NRG3: variants seen among roughly 807,000 people sequenced by gnomAD.
NRG3 encodes pro-neuregulin-3, membrane-bound isoform.
A neutral mutation model predicts 66.9 loss-of-function variants in NRG3; 31 were observed. That is an observed-to-expected ratio of 0.46 (90% CI 0.35 to 0.63). The LOEUF (loss-of-function observed/expected upper bound fraction) is 0.63. Ranked by LOEUF, NRG3 falls within the 20% of genes least tolerant of loss-of-function variation. The pLI is 0.00. For missense variants in NRG3, 910 were observed against 878.9 expected (o/e 1.04, Z -0.45); for synonymous variants, 393 against 359.4 (o/e 1.09, Z -1.06).
At chr10:82,711,419 T>G (rs537216454) in intron 2 of NRG3, among the ~76,000 whole-genome samples, 1 of 152,188 alleles carries the variant, frequency 6.6e-6, no homozygotes, top group African/African-American at 2.4e-5. Flanking sequence ...GTTTCTGATT[T>G]GTGTGTTATT....
intron 2 of NRG3, among the ~76,000 whole-genome samples, chr10:82,487,447 C>T (rs118046833): frequency 0.021 from 3,181 of 152,094 alleles, 47 homozygotes; most frequent in Non-Finnish European, 0.031. Flanking sequence ...CTGTGAACCA[C>T]CTGAGGGACC....
At chr10:82,770,907 AAAAAT>A (rs1227741299) in intron 3 of NRG3, among the ~76,000 whole-genome samples, 1 of 152,152 alleles carries the variant, frequency 6.6e-6, no homozygotes, top group Non-Finnish European at 1.5e-5. Context: ...AATGAAGAGA[AAAAAT>A]AAACAGGCAG....
At chr10:82,663,303 T>C (rs2052511003) in intron 2 of NRG3, among the ~76,000 whole-genome samples, 2 of 152,320 alleles carry the variant, frequency 1.3e-5, no homozygotes, top group South Asian at 4.1e-4. Context: ...TCTGAATTCA[T>C]CTGCCATTGA....
At chr10:82,469,339 C>G (rs934680686) in intron 2 of NRG3, among the ~76,000 whole-genome samples, 1 of 152,158 alleles carries the variant, frequency 6.6e-6, no homozygotes, top group African/African-American at 2.4e-5. Context: ...ACACAAAGAG[C>G]TCCTGGTGCA....
intron 4 of NRG3, among the ~76,000 whole-genome samples, chr10:82,891,701 T>C (rs1043913432): frequency 6.6e-6 from 1 of 152,068 alleles, no homozygotes; most frequent in Non-Finnish European, 1.5e-5. Flanking sequence ...GGATTGTCTA[T>C]AAAATCATGT....
chr10:82,146,449 C>T (rs973919229), intron 1 of NRG3, among the ~76,000 whole-genome samples: 3 of 151,446 alleles, frequency 2.0e-5, no homozygotes, highest in African/African-American at 7.3e-5. Flanking sequence ...ATTCTCAGGG[C>T]TCAGTCATTC....
At chr10:82,092,130 A>G (rs972919674) in intron 1 of NRG3, among the ~76,000 whole-genome samples, 1 of 152,172 alleles carries the variant, frequency 6.6e-6, no homozygotes, top group African/African-American at 2.4e-5. Flanking sequence ...TTTACTATGA[A>G]GTTGAAGACT....
intron 2 of NRG3, among the ~76,000 whole-genome samples, chr10:82,385,676 A>T (rs548919173): frequency 6.6e-6 from 1 of 152,270 alleles, no homozygotes; most frequent in South Asian, 2.1e-4. Context: ...GATTTTTGCT[A>T]TAAAGAGGGG....
intron 2 of NRG3, among the ~76,000 whole-genome samples, chr10:82,390,733 A>G (rs2086304158): frequency 6.6e-6 from 1 of 152,208 alleles, no homozygotes; most frequent in African/African-American, 2.4e-5. Flanking sequence ...GAATTCATCT[A>G]CTTCTCTGCA....
chr10:82,711,535 TTGTGTGTGTGTGTG>T (rs10603040), intron 2 of NRG3, among the ~76,000 whole-genome samples: 1,638 of 148,390 alleles, frequency 0.011, 29 homozygotes, highest in African/African-American at 0.038. Context: ...ATCTGTGTGT[TTGTGTGTGTGTGTG>T]TGTGTGTGTG....
At chr10:82,929,206 A>T (rs938664070) in intron 4 of NRG3, among the ~76,000 whole-genome samples, 1 of 152,140 alleles carries the variant, frequency 6.6e-6, no homozygotes, top group Non-Finnish European at 1.5e-5. Context: ...ACCCTGTAAG[A>T]TGCTCACATG....
rs1247244495 is a variant in NRG3 at position 82,115,839 on chromosome 10, G to A, written c.823+239676G>A. Among the ~76,000 whole-genome samples the A allele has an allele frequency of 4.6e-5, 7 of 152,232 alleles. No homozygotes were observed. The East Asian group carries it at 1.2e-3, about 25-fold the overall frequency. ...ACTGCTCAGTAAATGCCTCTGGTGGGCAGATGGCACAGAAGTGCTTAGGGG... is the reference window on the plus strand; with the variant it reads ...ACTGCTCAGTAAATGCCTCTGGTGGACAGATGGCACAGAAGTGCTTAGGGG... On this transcript the variant is annotated intron_variant, in intron 1 of 8. Transcript: ENST00000372141.
intron 1 of NRG3, among the ~76,000 whole-genome samples, chr10:82,126,484 T>A (rs1364174646): frequency 6.6e-6 from 1 of 152,064 alleles, no homozygotes; most frequent in Non-Finnish European, 1.5e-5. Flanking sequence ...GATGTTTCGG[T>A]AGATCAGCCA....
intron 2 of NRG3, among the ~76,000 whole-genome samples, chr10:82,460,619 T>C (rs2091467855): frequency 6.6e-6 from 1 of 152,238 alleles, no homozygotes; most frequent in Non-Finnish European, 1.5e-5. Context: ...GCAGGCTTTC[T>C]GGCTTCTCTT....
chr10:82,199,192 GA>G (rs149470915), intron 1 of NRG3, among the ~76,000 whole-genome samples: 1,540 of 144,358 alleles, frequency 0.011, 24 homozygotes, highest in African/African-American at 0.037. Context: ...AAAAAGAAAA[GA>G]AAAAAAAATA....
intron 3 of NRG3, among the ~76,000 whole-genome samples, chr10:82,842,504 A>C (rs2063108294): frequency 6.6e-6 from 1 of 152,174 alleles, no homozygotes; most frequent in East Asian, 1.9e-4. Flanking sequence ...TCTGGTAAAT[A>C]TAGTCTTCCT....
At chr10:82,777,183 G>A (rs2059942546) in intron 3 of NRG3, among the ~76,000 whole-genome samples, 1 of 152,146 alleles carries the variant, frequency 6.6e-6, no homozygotes, top group Non-Finnish European at 1.5e-5. Context: ...CTTCAGCTGT[G>A]ATCAACATTA....
At chr10:82,018,913 C>G (rs1589802588) in intron 1 of NRG3, among the ~76,000 whole-genome samples, 1 of 151,942 alleles carries the variant, frequency 6.6e-6, no homozygotes, top group African/African-American at 2.4e-5. Context: ...TTTTCCTAAT[C>G]GAATACACTT....
chr10:82,921,301 T>C (rs1278606559), intron 4 of NRG3, among the ~76,000 whole-genome samples: 6 of 152,100 alleles, frequency 3.9e-5, no homozygotes, highest in African/African-American at 1.4e-4. Context: ...GTCAAGGTGA[T>C]TAAAAACAAG....
Sources: gnomAD v4.1 joint callset for allele counts (sites outside exome capture counted in the v4.1 genomes callset) on GRCh38, gnomAD v4.1.1 for gene constraint, MANE v1.5 for transcripts, NCBI Gene and HGNC (gene_info 2026-07-23, HGNC 2026-07-21) for gene names.